Variants in LRAT observed in about 807,000 individuals in gnomAD.
LRAT encodes lecithin retinol acyltransferase.
In LRAT, 11 loss-of-function variants were observed where a neutral mutation model predicts 14.2. The ratio of observed to expected loss-of-function variants is 0.78; its 90% CI spans 0.49 to 1.29. The LOEUF (loss-of-function observed/expected upper bound fraction) is 1.29, where lower values mean the gene tolerates loss of function less well. LRAT is among the 50% of genes most tolerant of loss of function. The pLI, the probability that LRAT is intolerant of heterozygous loss-of-function variation, is 0.00. For missense variants in LRAT, 274 were observed against 292.4 expected (o/e 0.94, Z 0.46); for synonymous variants, 144 against 124.8 (o/e 1.15, Z -1.03).
chr4:154,749,067 T>C lies in LRAT; in HGVS notation c.624T>C (p.Cys208=), dbSNP rs1267301966. 2.5e-6 allele frequency: 4 copies of C among 1,613,872 alleles called. No homozygotes were observed. In the Admixed American group the frequency reaches 6.7e-5, roughly 27 times the overall value. The change falls in exon 3 of 3, where the codon TGT becomes TGC. Residue 208 remains cysteine (C), a synonymous_variant. Transcript: ENST00000336356. ...SAVLGLASIV[C]TGLVSYTTLP... Reference sequence around the variant, plus strand: ...TCTTGGGATTGGCGTCTATAGTCTGTACGGGCTTGGTATCATACACTACCC... The same window carrying C: ...TCTTGGGATTGGCGTCTATAGTCTGCACGGGCTTGGTATCATACACTACCC...
At position 154,749,182 on chromosome 4, in the gene LRAT, T is replaced by C. The variant is rs942493078; in HGVS notation, c.*46T>C. ...GTGTGTATTCTGTATGTAAATATGT[T>C]TATATTTATAGAGCATCAATCAATA... On this transcript the variant is annotated 3_prime_UTR_variant, in exon 3 of 3. Coordinates refer to ENST00000336356, the MANE Select transcript of LRAT (RefSeq NM_004744.5). 3 of 1,552,636 alleles carry C rather than the reference T, an allele frequency of 1.9e-6. No homozygotes were observed. Among genetic ancestry groups the C allele is most frequent in the Non-Finnish European group, 2.7e-6 (3 of 1,124,416 alleles).
upstream of LRAT, among the ~76,000 whole-genome samples, chr4:154,741,792 AT>A (rs1038591124): frequency 5.2e-4 from 79 of 152,322 alleles, no homozygotes; most frequent in African/African-American, 1.6e-3. Flanking sequence ...ATATGTATAT[AT>A]TTTTATATAC....
At chr4:154,743,134 C>G (rs965738038), upstream of LRAT, among the ~76,000 whole-genome samples, 6 of 121,922 alleles carry the variant, frequency 4.9e-5, no homozygotes, top group Non-Finnish European at 7.3e-5. Flanking sequence ...AACCCCCCCC[C>G]CCCCGCCCTA....
chr4:154,744,259 A>C (rs1330775060), intron 1 of LRAT, 37 bp downstream of exon 1: 1 of 1,561,760 alleles, frequency 6.4e-7, no homozygotes, highest in African/African-American at 1.4e-5. Flanking sequence ...CGGCGAGCTT[A>C]ACTTGCCCAG....
rs760890088 is a variant in LRAT, at chr4:154,744,538, C to T, written c.212C>T (p.Ala71Val). 2 of 1,614,150 alleles carry T rather than the reference C, an allele frequency of 1.2e-6. No individual in the cohort carries two copies. The highest frequency in any genetic ancestry group is 2.2e-5 in the South Asian group (2 of 91,078). Residue 71 changes from alanine (A) to valine (V), a missense_variant, in exon 2 of 3, where the codon GCC becomes GTC. Ala to Val is a moderately conservative substitution (Grantham distance 64). Transcript: ENST00000336356. ...YGIYLGDNRV[A>V]HMMPDILLAL... ...ATCTACCTAGGAGACAACCGTGTTG[C>T]CCACATGATGCCCGACATCCTGTTG...
At position 154,744,158 on chromosome 4, in the gene LRAT, G is replaced by C. The variant is rs1035241990; in HGVS notation, c.-66G>C. 1 of 677,856 alleles carries C rather than the reference G, an allele frequency of 1.5e-6. No homozygotes were observed. Among genetic ancestry groups the C allele is most frequent in the Non-Finnish European group, 2.6e-6 (1 of 391,084 alleles). 42.0% of individuals were successfully genotyped at this position (677,856 alleles called of 1,614,324 possible). ...GCTGAGCCGGTCGCCAGGCCTCGCTGTCCTCCTTTGCCTTCCTCTCTCCTC... is the reference window on the plus strand; with the variant it reads ...GCTGAGCCGGTCGCCAGGCCTCGCTCTCCTCCTTTGCCTTCCTCTCTCCTC... On this transcript the variant is annotated 5_prime_UTR_variant, in exon 1 of 3. Coordinates refer to ENST00000336356, the MANE Select transcript of LRAT (RefSeq NM_004744.5).
rs1055118931 is a variant in LRAT, at chr4:154,744,043, G to T, written c.-181G>T. 8.3e-6 allele frequency: 4 copies of T among 483,610 alleles called. No homozygotes were observed. The highest frequency in any genetic ancestry group is 6.9e-5 in the South Asian group (3 of 43,650). 30.0% of individuals were successfully genotyped at this position (483,610 alleles called of 1,614,324 possible). ...TGCCCCCGGCACGGCCCCCAGGTGC[G>T]CTCCTTCTCCGGCTGCTTGTAGCAC... is the stretch of plus-strand genomic sequence containing the variant. On this transcript the variant is annotated 5_prime_UTR_variant, in exon 1 of 3. Transcript: ENST00000336356.
At chr4:154,747,959 A>T (rs2111036988) in intron 2 of LRAT, among the ~76,000 whole-genome samples, 1 of 152,286 alleles carries the variant, frequency 6.6e-6, no homozygotes, top group South Asian at 2.1e-4. Flanking sequence ...TCTATCACTT[A>T]ATAATTTGGA....
At chr4:154,748,382 C>G (rs1732923221) in intron 2 of LRAT, 2 of 987,774 alleles carry the variant, frequency 2.0e-6, no homozygotes, top group East Asian at 1.1e-4. Flanking sequence ...GGATGCATTC[C>G]TCAGGGGTAA....
At chr4:154,743,347 A>G (rs1377547066), upstream of LRAT, among the ~76,000 whole-genome samples, 1 of 151,924 alleles carries the variant, frequency 6.6e-6, no homozygotes, top group Non-Finnish European at 1.5e-5. Flanking sequence ...CTAAAAATAC[A>G]AAAATTAGCC....
Position 154,751,241 on chromosome 4 carries a change from G to A in LRAT, c.*2105G>A, listed in dbSNP as rs1019864025. 3 of 152,208 alleles carry A rather than the reference G, an allele frequency of 2.0e-5. No homozygotes were observed. The highest frequency in any genetic ancestry group is 7.2e-5 in the African/African-American group (3 of 41,446). The allele number at this position is 152,208 out of a possible 1,614,324, so 9.4% of individuals were successfully genotyped here. On this transcript the variant is annotated 3_prime_UTR_variant, in exon 3 of 3. Transcript: ENST00000336356. ...TGCTAGCATTAAGCCAAGAAATAGT[G>A]TGAGGTGATCTTATCACACTGATGT...
rs1732826628 is a variant in LRAT, at chr4:154,744,194, C to G, written c.-30C>G. On this transcript the variant is annotated 5_prime_UTR_variant, in exon 1 of 3. Transcript: ENST00000336356. ...CCTTCCTCTCTCCTCAGCGGCCGTA[C>G]TTTGCGCCGTACCTCACCTGGCCTG... 10 of 946,366 alleles carry G rather than the reference C, an allele frequency of 1.1e-5. No homozygotes were observed. Among genetic ancestry groups the G allele is most frequent in the Non-Finnish European group, 1.7e-5 (10 of 601,060 alleles). 58.6% of individuals were successfully genotyped at this position (946,366 alleles called of 1,614,324 possible).
rs1733015169 is a variant in LRAT, at chr4:154,752,377, G to A, written c.*3241G>A. The A allele has an allele frequency of 6.6e-6, 1 of 152,322 alleles. No homozygotes were observed. Among genetic ancestry groups the A allele is most frequent in the Non-Finnish European group, 1.5e-5 (1 of 68,130 alleles). The allele number at this position is 152,322 out of a possible 1,614,324, so 9.4% of individuals were successfully genotyped here. A position where few individuals can be genotyped will look rare whatever the true frequency, so the allele number is the denominator to read the frequency against. ...GGAACTGCACAGGGCATTCAGGCAA[G>A]TGCAAGTGGTTCAGGGGCCAGCGCA... On this transcript the variant is annotated 3_prime_UTR_variant, in exon 3 of 3. Coordinates refer to ENST00000336356, the MANE Select transcript of LRAT (RefSeq NM_004744.5).
rs1732844765 is a variant in LRAT at position 154,744,702 on chromosome 4, C to T, written c.376C>T (p.His126Tyr). 3 of 1,614,088 alleles carry T rather than the reference C, an allele frequency of 1.9e-6. No individual in the cohort carries two copies. The African/African-American group carries it at 4.0e-5, about 22-fold the overall frequency. The stretch of plus-strand genomic sequence containing the variant: ...CTACGGAGCTAACATCCTGGTCAAT[C>T]ACCTGGACGAGTCCCTCCAGAAAAA... ...FAYGANILVN[H>Y]LDESLQKKAL... The change falls in exon 2 of 3, where the codon CAC becomes TAC. Residue 126 changes from histidine to tyrosine, a missense_variant. Coordinates refer to ENST00000336356, the MANE Select transcript of LRAT (RefSeq NM_004744.5).
Position 154,749,449 on chromosome 4 carries a change from T to C in LRAT, c.*313T>C, listed in dbSNP as rs1732947268. 1.2e-5 allele frequency: 4 copies of C among 344,904 alleles called. No homozygotes were observed. Among genetic ancestry groups the C allele is most frequent in the African/African-American group, 2.1e-5 (1 of 47,212 alleles). The allele number at this position is 344,904 out of a possible 1,614,324, so 21.4% of individuals were successfully genotyped here. A position where few individuals can be genotyped will look rare whatever the true frequency, so the allele number is the denominator to read the frequency against. On this transcript the variant is annotated 3_prime_UTR_variant, in exon 3 of 3. Coordinates refer to ENST00000336356, the MANE Select transcript of LRAT (RefSeq NM_004744.5). ...ACAAGAGATTAATTGTGTTTTTTTT[T>C]CTCCTGTAATCCTTGTACTGTTCGG...
chr4:154,742,718 G>T (rs1274875618), upstream of LRAT, among the ~76,000 whole-genome samples: 5 of 152,134 alleles, frequency 3.3e-5, no homozygotes, highest in Admixed American at 3.3e-4. Context: ...ACGCTTCAGC[G>T]GCTCCCTCAC....
Position 154,752,059 on chromosome 4 carries a change from C to A in LRAT, c.*2923C>A, listed in dbSNP as rs1733008556. The A allele has an allele frequency of 6.6e-6, 1 of 152,176 alleles. No homozygotes were observed. Among genetic ancestry groups the A allele is most frequent in the Non-Finnish European group, 1.5e-5 (1 of 68,046 alleles). 9.4% of individuals were successfully genotyped at this position (152,176 alleles called of 1,614,324 possible). A position where few individuals can be genotyped will look rare whatever the true frequency, so the allele number is the denominator to read the frequency against. On this transcript the variant is annotated 3_prime_UTR_variant, in exon 3 of 3. Transcript: ENST00000336356. ...ATGAAATGATGAATGAGGCATGGAC[C>A]TGTTCCTCAGAGTTTATGGCCCAGT...
At chr4:154,747,990 T>C (rs1459223619) in intron 2 of LRAT, among the ~76,000 whole-genome samples, 1 of 152,138 alleles carries the variant, frequency 6.6e-6, no homozygotes, top group South Asian at 2.1e-4. Context: ...CCCAGTACCA[T>C]GTAAGCCACT....
Position 154,744,784 on chromosome 4 carries a change from C to G in LRAT, c.458C>G (p.Pro153Arg), listed in dbSNP as rs763043381. Residue 153 changes from proline (P) to arginine (R), a missense_variant, in exon 2 of 3, where the codon CCC becomes CGC. Physicochemically the swap from Pro to Arg is moderately radical, Grantham distance 103. Coordinates refer to ENST00000336356, the MANE Select transcript of LRAT (RefSeq NM_004744.5). ...RRAEKLLGFT[P>R]YSLLWNNCEH... ...GCTGAAAAGCTGCTGGGCTTTACCC[C>G]CTACAGCCTGCTGTGGAACAACTGC... 7.4e-6 allele frequency: 12 copies of G among 1,614,102 alleles called. No individual in the cohort carries two copies. The highest frequency in any genetic ancestry group is 1.1e-5 in the South Asian group (1 of 91,074).
Sources: gnomAD v4.1 joint callset for allele counts (sites outside exome capture counted in the v4.1 genomes callset) on GRCh38, gnomAD v4.1.1 for gene constraint, MANE v1.5 for transcripts, NCBI Gene and HGNC (gene_info 2026-07-23, HGNC 2026-07-21) for gene names.